The following AMZ1 variants were observed in gnomAD, a reference collection of about 807,000 sequenced individuals.
AMZ1 encodes the protein archaemetzincin-1.
In AMZ1, 39 loss-of-function variants were observed where a neutral mutation model predicts 29.9. That is an observed-to-expected ratio of 1.30 (90% confidence interval 1.01 to 1.70). The LOEUF is 1.70. AMZ1 is among the 40% of genes most tolerant of loss of function. The pLI, the probability that AMZ1 is intolerant of heterozygous loss-of-function variation, is 0.00. For synonymous variants in AMZ1, 458 were observed against 304.0 expected, an observed-to-expected ratio of 1.51 and a Z score of -5.27; for missense variants, 1,041 against 680.6, an observed-to-expected ratio of 1.53 and a Z score of -5.89.
At chr7:2,693,532 A>G (rs1180325488) in intron 1 of AMZ1, among the ~76,000 whole-genome samples, 1 of 151,984 alleles carries the variant, frequency 6.6e-6, no homozygotes, top group Non-Finnish European at 1.5e-5. Context: ...GATGTGTGCC[A>G]CCACACCCAG....
Position 2,702,702 on chromosome 7 carries a change from C to A in AMZ1, c.305-20C>A. Reference sequence around the variant, plus strand: ...GCGGGCAGGGGCGTCGCAGGGCTGACGGTGCTGCTCTCCCACCAGACCTGA... The same window carrying A: ...GCGGGCAGGGGCGTCGCAGGGCTGAAGGTGCTGCTCTCCCACCAGACCTGA... On this transcript the variant is annotated intron_variant, in intron 2 of 6. Coordinates refer to ENST00000683327, the MANE Select transcript of AMZ1 (RefSeq NM_001384743.1). 6.6e-7 allele frequency: 1 copy of A among 1,513,554 alleles called. No individual in the cohort carries two copies. The highest frequency in any genetic ancestry group is 8.8e-7 in the Non-Finnish European group (1 of 1,130,080). 93.8% of individuals were successfully genotyped at this position (1,513,554 alleles called of 1,614,324 possible).
chr7:2,706,037 ACTG>A (rs1203866827), intron 3 of AMZ1, among the ~76,000 whole-genome samples: 1 of 152,092 alleles, frequency 6.6e-6, no homozygotes. Flanking sequence ...TAGTGGACAA[ACTG>A]CTGTTTTCCC....
rs556043461 is a variant in AMZ1, at chr7:2,717,441, G to C, written c.*4563G>C. On this transcript the variant is annotated 3_prime_UTR_variant, in exon 7 of 7. Coordinates refer to ENST00000683327, the MANE Select transcript of AMZ1 (RefSeq NM_001384743.1). ...TGGCTGCCGTCCTGGGAGAGGCCCC[G>C]GGAACCGGCTCGCCCTGTACCCAAG... 6.6e-6 allele frequency among the ~76,000 whole-genome samples: 1 copy of C among 152,292 alleles called. No individual in the cohort carries two copies. Among genetic ancestry groups the C allele is most frequent in the African/African-American group, 2.4e-5 (1 of 41,564 alleles).
chr7:2,742,823 T>C (rs1790577340), intron 4 of AMZ1, among the ~76,000 whole-genome samples: 1 of 152,262 alleles, frequency 6.6e-6, no homozygotes. Flanking sequence ...CATTTCCCAT[T>C]TTATAATCCT....
At chr7:2,725,090 C>T (rs576632705) in intron 4 of AMZ1, among the ~76,000 whole-genome samples, 3 of 152,368 alleles carry the variant, frequency 2.0e-5, no homozygotes, top group African/African-American at 7.2e-5. Flanking sequence ...CTAGGGACCT[C>T]CTGTTCCCTC....
At chr7:2,748,259 A>G (rs897280195) in intron 4 of AMZ1, among the ~76,000 whole-genome samples, 2 of 152,038 alleles carry the variant, frequency 1.3e-5, no homozygotes, top group African/African-American at 4.8e-5. Context: ...ACTTCAAACT[A>G]TACTACAAGG....
At chr7:2,764,776 C>G (rs1462350335) in exon 1 of AMZ1, 1 of 152,242 alleles carries the variant, frequency 6.6e-6, no homozygotes, top group South Asian at 2.1e-4. Context: ...TGAAGTCCCT[C>G]TCATTCTCCC....
In AMZ1 at chr7:2,712,607, G is replaced by C. The variant is rs373933360; in HGVS notation, c.1226G>C (p.Arg409Pro). 1.2e-6 allele frequency: 2 copies of C among 1,612,724 alleles called. No individual in the cohort carries two copies. Among genetic ancestry groups the C allele is most frequent in the East Asian group, 4.5e-5 (2 of 44,868 alleles). Residue 409 changes from arginine (R) to proline (P), a missense_variant, in exon 7 of 7, where the codon CGG becomes CCG. Physicochemically the swap from Arg to Pro is moderately radical, Grantham distance 103 (BLOSUM62 -2). Transcript: ENST00000683327. ...GPAEAIKEHE[R>P]WLAMCIQALQ... ...GCGGAGGCCATCAAGGAGCATGAAC[G>C]GTGGCTGGCCATGTGCATCCAGGCC... is the stretch of plus-strand genomic sequence containing the variant.
chr7:2,732,787 A>G (rs1264242507), intron 4 of AMZ1, among the ~76,000 whole-genome samples: 1 of 152,178 alleles, frequency 6.6e-6, no homozygotes, highest in African/African-American at 2.4e-5. Context: ...TAATCCAGTT[A>G]CTCCAATAAA....
At chr7:2,754,642 G>A (rs1375512112) in intron 4 of AMZ1, among the ~76,000 whole-genome samples, 1 of 152,024 alleles carries the variant, frequency 6.6e-6, no homozygotes, top group Non-Finnish European at 1.5e-5. Context: ...CAGCTATTAG[G>A]GGAGGCTGGG....
Position 2,731,476 on chromosome 7 carries a change from T to C in AMZ1, n.550+21660T>C, listed in dbSNP as rs1789891247. The C allele has an allele frequency of 3.1e-6, 5 of 1,613,844 alleles. No homozygotes were observed. Among genetic ancestry groups the C allele is most frequent in the Non-Finnish European group, 3.4e-6 (4 of 1,179,886 alleles). On this transcript the variant is annotated intron_variant and non_coding_transcript_variant, in intron 4 of 4. Transcript: ENST00000489665. This position sits in a 1 kb window ranked among gnomAD's most constrained non-coding sequence, Gnocchi z 6.0. ...AATGATGGAGACGTTGAAGAAGAGCTTGTTGTTGACGATGGTCTCGAAGAT... is the reference window on the plus strand; with the variant it reads ...AATGATGGAGACGTTGAAGAAGAGCCTGTTGTTGACGATGGTCTCGAAGAT...
chr7:2,710,274 C>G (rs1034097290), intron 6 of AMZ1, among the ~76,000 whole-genome samples: 2 of 152,252 alleles, frequency 1.3e-5, no homozygotes, highest in African/African-American at 4.8e-5. Flanking sequence ...CTAACTCCCT[C>G]TGTCGCCTGG....
intron 5 of AMZ1, 28 bp downstream of exon 5, chr7:2,709,272 A>G (rs1284780949): frequency 2.7e-6 from 4 of 1,476,346 alleles, no homozygotes; most frequent in East Asian, 2.4e-5. Flanking sequence ...GGCTGGTAAG[A>G]GGGGACAGGA....
intron 1 of AMZ1, among the ~76,000 whole-genome samples, chr7:2,695,141 T>G (rs1018048465): frequency 3.3e-5 from 5 of 152,196 alleles, no homozygotes; most frequent in Non-Finnish European, 7.3e-5. Context: ...CTGCAAGACT[T>G]GCCCACTACG....
intron 3 of AMZ1, among the ~76,000 whole-genome samples, chr7:2,706,137 G>A (rs767312667): frequency 3.9e-5 from 6 of 152,230 alleles, no homozygotes; most frequent in Non-Finnish European, 7.3e-5. Flanking sequence ...GGAACTCAGA[G>A]GGTATGCCAG....
downstream of AMZ1, among the ~76,000 whole-genome samples, chr7:2,720,348 G>A (rs975706807): frequency 2.0e-5 from 3 of 152,174 alleles, no homozygotes; most frequent in South Asian, 2.1e-4. Context: ...CTTTTTATGC[G>A]CTGTGACAAA....
intron 4 of AMZ1, among the ~76,000 whole-genome samples, chr7:2,734,931 A>G (rs979498683): frequency 2.0e-4 from 30 of 152,208 alleles, no homozygotes; most frequent in African/African-American, 7.0e-4. Flanking sequence ...GCCCGGCACG[A>G]CTGACCTCTC....
Position 2,709,726 on chromosome 7 carries a change from C to G in AMZ1, c.858C>G (p.Asp286Glu). 1.2e-6 allele frequency: 2 copies of G among 1,611,350 alleles called. No individual in the cohort carries two copies. Among genetic ancestry groups the G allele is most frequent in the Non-Finnish European group, 1.7e-6 (2 of 1,179,858 alleles). Residue 286 changes from aspartate (D) to glutamate (E), a missense_variant, in exon 6 of 7, where the codon GAC becomes GAG. Coordinates refer to ENST00000683327, the MANE Select transcript of AMZ1 (RefSeq NM_001384743.1). ...TCATGCAGGGTGCGCTCAGCCTGGACGAGGCCCTGCGGCGGCCCCTGGACC... is the reference window on the plus strand; with the variant it reads ...TCATGCAGGGTGCGCTCAGCCTGGAGGAGGCCCTGCGGCGGCCCCTGGACC... ...RCLMQGALSL[D>E]EALRRPLDLC...
intron 1 of AMZ1, among the ~76,000 whole-genome samples, chr7:2,692,480 T>G (rs944297029): frequency 3.9e-5 from 6 of 152,230 alleles, no homozygotes; most frequent in Admixed American, 2.0e-4. Flanking sequence ...AAGCGGAGGT[T>G]GCAGTGAGCC....
Sources: gnomAD v4.1 joint callset for allele counts (sites outside exome capture counted in the v4.1 genomes callset) on GRCh38, gnomAD v4.1.1 for gene constraint, Gnocchi (gnomAD v3.1) non-coding constraint, MANE v1.5 for transcripts, NCBI Gene and HGNC (gene_info 2026-07-23, HGNC 2026-07-21) for gene names.